Variants in RBM19 observed in about 807,000 individuals in gnomAD.
The protein encoded by RBM19 is probable RNA-binding protein 19.
A neutral mutation model predicts 116.8 loss-of-function variants in RBM19; 94 were observed. The observed-to-expected ratio is 0.80, with a 90% confidence interval of 0.68 to 0.95. The LOEUF is 0.95. RBM19 is among the 40% of genes least tolerant of loss of function. RBM19 has a pLI of 0.00. For synonymous variants in RBM19, 475 were observed against 494.1 expected, an observed-to-expected ratio of 0.96 and a Z score of 0.51; for missense variants, 1,161 against 1,220.7, an observed-to-expected ratio of 0.95 and a Z score of 0.73.
At chr12:113,828,937 T>C (rs1054048817) in intron 23 of RBM19, among the ~76,000 whole-genome samples, 2 of 152,082 alleles carry the variant, frequency 1.3e-5, no homozygotes, top group African/African-American at 4.8e-5. Flanking sequence ...TTCAGGAGAC[T>C]GGCCTGGCTC....
intron 21 of RBM19, among the ~76,000 whole-genome samples, chr12:113,876,719 A>C (rs1879693888): frequency 6.6e-6 from 1 of 152,114 alleles, no homozygotes. Flanking sequence ...TGAGCCCAGG[A>C]GGTTAGAGCT....
At chr12:113,865,433 CTTAT>C (rs1878728801) in intron 21 of RBM19, among the ~76,000 whole-genome samples, 1 of 152,166 alleles carries the variant, frequency 6.6e-6, no homozygotes, top group Non-Finnish European at 1.5e-5. Context: ...GGCTTGTTTA[CTTAT>C]TTATCTTTCC....
At chr12:113,840,648 G>A (rs1178752714) in intron 23 of RBM19, among the ~76,000 whole-genome samples, 1 of 152,192 alleles carries the variant, frequency 6.6e-6, no homozygotes, top group Non-Finnish European at 1.5e-5. Context: ...GAGAGCAGAC[G>A]GCTGCAGGAG....
At chr12:113,878,742 C>G (rs1015970338) in intron 21 of RBM19, among the ~76,000 whole-genome samples, 1 of 149,704 alleles carries the variant, frequency 6.7e-6, no homozygotes, top group African/African-American at 2.5e-5. Context: ...ATGCGGAGGC[C>G]CATTAGAAAA....
intron 21 of RBM19, among the ~76,000 whole-genome samples, chr12:113,907,802 G>A (rs1283514170): frequency 6.6e-6 from 1 of 152,196 alleles, no homozygotes; most frequent in Non-Finnish European, 1.5e-5. Flanking sequence ...TTCCCAGCCA[G>A]GGCCAGAGCA....
intron 1 of RBM19, among the ~76,000 whole-genome samples, chr12:113,963,000 A>G (rs1310871960): frequency 6.6e-6 from 1 of 152,204 alleles, no homozygotes; most frequent in Non-Finnish European, 1.5e-5. Flanking sequence ...GGAAACAGAA[A>G]GATTGGAAGA....
At chr12:113,823,601 G>A (rs1212547861) in intron 23 of RBM19, among the ~76,000 whole-genome samples, 1 of 152,042 alleles carries the variant, frequency 6.6e-6, no homozygotes, top group East Asian at 1.9e-4. Flanking sequence ...AAACACTAGA[G>A]TTAGTCTCAG....
chr12:113,946,393 T>C lies in RBM19; in HGVS notation c.1490A>G (p.Lys497Arg). The change falls in exon 12 of 24, where the codon AAG (lysine) becomes AGG (arginine). Residue 497 changes from lysine (K) to arginine (R), a missense_variant. Lys to Arg is a conservative substitution (Grantham distance 26). Coordinates refer to ENST00000261741, the MANE Select transcript of RBM19 (RefSeq NM_016196.4). ...DASALGSSSY[K>R]KKKEAQDKAN... is the part of the protein sequence containing the mutation. The stretch of plus-strand genomic sequence containing the variant: ...TTTGTCCTGGGCCTCCTTCTTCTTC[T>C]TGTAGGACGACGATCCCAGGGCACT... The C allele has an allele frequency of 6.2e-7, 1 of 1,614,076 alleles. No homozygotes were observed. The highest frequency in any genetic ancestry group is 8.5e-7 in the Non-Finnish European group (1 of 1,180,004).
intron 22 of RBM19, among the ~76,000 whole-genome samples, chr12:113,846,643 C>T (rs1011069652): frequency 1.3e-4 from 20 of 152,168 alleles, no homozygotes; most frequent in African/African-American, 4.6e-4. Flanking sequence ...GGATTTCCCT[C>T]GGAAGGAACC....
chr12:113,920,778 G>A lies in RBM19; in HGVS notation c.2306-88C>T, dbSNP rs1320020504. On this transcript the variant is annotated intron_variant, in intron 18 of 23. Coordinates refer to ENST00000261741, the MANE Select transcript of RBM19 (RefSeq NM_016196.4). ...GGCTGTGACGGGCCCCCAGACCTGC[G>A]CTGTATTTCCTCTTCTTTTCATACC... 2.1e-5 allele frequency: 24 copies of A among 1,153,680 alleles called. No homozygotes were observed. In the East Asian group the frequency reaches 2.1e-4, roughly 10 times the overall value. The allele number at this position is 1,153,680 out of a possible 1,614,324, so 71.5% of individuals were successfully genotyped here. A position where few individuals can be genotyped will look rare whatever the true frequency, so the allele number is the denominator to read the frequency against.
chr12:113,950,035 G>A (rs748708681), intron 9 of RBM19, 48 bp downstream of exon 9: 15 of 1,481,042 alleles, frequency 1.0e-5, no homozygotes, highest in African/African-American at 4.2e-5. Flanking sequence ...ATGAAGGAAC[G>A]AAGGAACGCT....
intron 21 of RBM19, among the ~76,000 whole-genome samples, chr12:113,914,750 G>A (rs1157217536): frequency 6.6e-6 from 1 of 152,256 alleles, no homozygotes; most frequent in African/African-American, 2.4e-5. Context: ...TCGGAGAGGG[G>A]GAAGCCTGGC....
chr12:113,936,029 C>A (rs546583424), intron 16 of RBM19, among the ~76,000 whole-genome samples: 1 of 150,188 alleles, frequency 6.7e-6, no homozygotes, highest in East Asian at 2.0e-4. Flanking sequence ...GGCTCTGTCT[C>A]AAAAAAACAA....
In RBM19 at chr12:113,825,493, T is replaced by G. The variant is rs1426357471; in HGVS notation, c.2786-2172A>C. Among the ~76,000 whole-genome samples, 2 of 152,102 alleles carry G rather than the reference T, an allele frequency of 1.3e-5. No homozygotes were observed. The highest frequency in any genetic ancestry group is 2.9e-5 in the Non-Finnish European group (2 of 68,016). On this transcript the variant is annotated intron_variant, in intron 23 of 23. Transcript: ENST00000261741. This position sits in a 1 kb window ranked among gnomAD's most constrained non-coding sequence, Gnocchi z 5.7. ...GAATTTGTGGGCAGGTAATAGGAACTGGAAAATAGAACGCAACAAAACAGG... is the reference window on the plus strand; with the variant it reads ...GAATTTGTGGGCAGGTAATAGGAACGGGAAAATAGAACGCAACAAAACAGG...
chr12:113,966,056 C>T (rs140620415), intron 1 of RBM19, 136 bp downstream of exon 1: 738 of 946,628 alleles, frequency 7.8e-4, no homozygotes, highest in Non-Finnish European at 1.1e-3. Flanking sequence ...AGGATCCCGC[C>T]CCCTTTGAGT....
At chr12:113,906,316 G>A (rs934042404) in intron 21 of RBM19, among the ~76,000 whole-genome samples, 3 of 152,222 alleles carry the variant, frequency 2.0e-5, no homozygotes, top group Non-Finnish European at 4.4e-5. Context: ...CATAGCAAGT[G>A]CGGATCCCAG....
chr12:113,910,721 G>A (rs1364281147), intron 21 of RBM19, among the ~76,000 whole-genome samples: 3 of 152,318 alleles, frequency 2.0e-5, no homozygotes, highest in East Asian at 1.9e-4. Context: ...CAAAGACTGC[G>A]TGGCACGTGG....
chr12:113,924,744 A>T lies in RBM19; in HGVS notation c.2258T>A (p.Val753Glu). The T allele has an allele frequency of 1.3e-6, 2 of 1,547,228 alleles. No individual in the cohort carries two copies. The highest frequency in any genetic ancestry group is 2.2e-5 in the South Asian group (2 of 89,670). Residue 753 changes from valine to glutamate, a missense_variant, in exon 18 of 24, where the codon GTG becomes GAG. By Grantham distance (121) the Val-to-Glu change is moderately radical. Coordinates refer to ENST00000261741, the MANE Select transcript of RBM19 (RefSeq NM_016196.4). Reference sequence around the variant, plus strand: ...GATGGAGCAGCTCTTCACTGTCCCCACTTTTGAAAACACCTGGATAAGAAA... The same window carrying T: ...GATGGAGCAGCTCTTCACTGTCCCCTCTTTTGAAAACACCTGGATAAGAAA... The part of the protein sequence containing the change: ...EEKLKEVFSK[V>E]GTVKSCSISK...
intron 21 of RBM19, among the ~76,000 whole-genome samples, chr12:113,904,438 T>C (rs953399245): frequency 6.6e-6 from 1 of 152,168 alleles, no homozygotes; most frequent in Admixed American, 6.5e-5. Flanking sequence ...TGGGAAGCCA[T>C]CTGACTTGTG....
Sources: allele counts gnomAD v4.1 joint callset (sites outside exome capture counted in the v4.1 genomes callset), GRCh38; gene constraint gnomAD v4.1.1; non-coding constraint Gnocchi (gnomAD v3.1); transcripts MANE v1.5; gene names NCBI Gene and HGNC (gene_info 2026-07-23, HGNC 2026-07-21).